The following ANLN variants were observed in gnomAD, a reference collection of about 807,000 sequenced individuals.
ANLN encodes the protein anillin.
Under a neutral mutation model 135.1 loss-of-function variants are expected in ANLN, and 59 were observed. That is an observed-to-expected ratio of 0.44 (90% CI 0.35 to 0.54). ANLN has a LOEUF of 0.54. Among genes scored for constraint, ANLN ranks in the 20% least tolerant of loss-of-function variants. ANLN has a pLI of 0.00. For synonymous variants in ANLN, 406 were observed against 456.4 expected (o/e 0.89, Z 1.41); for missense variants, 1,182 against 1,340.0 (o/e 0.88, Z 1.84).
Position 36,426,024 on chromosome 7 carries a change from A to G in ANLN, c.2758A>G (p.Ile920Val), listed in dbSNP as rs1290270454. 7.3e-6 allele frequency: 11 copies of G among 1,509,656 alleles called. No homozygotes were observed. The highest frequency in any genetic ancestry group is 9.7e-6 in the Non-Finnish European group (11 of 1,128,568). 93.5% of individuals were successfully genotyped at this position (1,509,656 alleles called of 1,614,324 possible). Reference sequence around the variant, plus strand: ...TTTTTTTTTTTTTTAGAAAAGCAACATTCATTCTTCAGGTGAGTGTATCTT... The same window carrying G: ...TTTTTTTTTTTTTTAGAAAAGCAACGTTCATTCTTCAGGTGAGTGTATCTT... The part of the protein sequence containing the change: ...LLTSITTKSN[I>V]HSSVMASPGG... Residue 920 changes from isoleucine (I) to valine (V), a missense_variant, in exon 19 of 24, where the codon ATT becomes GTT. Transcript: ENST00000265748.
chr7:36,433,385 A>G (rs144050703), intron 20 of ANLN, among the ~76,000 whole-genome samples: 57 of 152,258 alleles, frequency 3.7e-4, no homozygotes, highest in Middle Eastern at 3.4e-3. Flanking sequence ...TATCTTTTCA[A>G]TTCTTTAAAG....
chr7:36,409,566 C>T (rs1787325395), intron 5 of ANLN, among the ~76,000 whole-genome samples: 1 of 152,096 alleles, frequency 6.6e-6, no homozygotes, highest in Non-Finnish European at 1.5e-5. Flanking sequence ...ATAATACAAC[C>T]TTAGAATCCT....
chr7:36,452,516 C>G lies in ANLN; in HGVS notation c.3291C>G (p.Leu1097=), dbSNP rs765445429. The part of the protein sequence containing the change: ...LSADTKEERD[L]WMQKLNQVLV... ...CAGATACTAAAGAAGAGCGGGATCT[C>G]TGGATGCAAAAACTCAATCAAGTTC... is the stretch of plus-strand genomic sequence containing the variant. Residue 1097 remains leucine, a synonymous_variant, in exon 24 of 24, where the codon CTC becomes CTG. Transcript: ENST00000265748. 36 of 1,613,922 alleles carry G rather than the reference C, an allele frequency of 2.2e-5. No homozygotes were observed. In the East Asian group the frequency reaches 8.0e-4, roughly 36 times the overall value.
chr7:36,402,112 A>ATTT (rs572615037), intron 3 of ANLN, among the ~76,000 whole-genome samples: 4 of 89,724 alleles, frequency 4.5e-5, no homozygotes, highest in South Asian at 3.1e-4. Context: ...CAATAAAGCT[A>ATTT]TTTTTTTTTT....
intron 22 of ANLN, 36 bp from the exon 23 acceptor site, chr7:36,449,629 T>C (rs769774470): frequency 7.9e-5 from 121 of 1,541,074 alleles, no homozygotes; most frequent in Non-Finnish European, 9.9e-5. Context: ...TAAATAGTCT[T>C]ATTTTCTACT....
chr7:36,424,739 C>T lies in ANLN; in HGVS notation c.2706C>T (p.Ser902=), dbSNP rs1788012630. ...ATAAGAAGAAAAAAACATCCAAGTC[C>T]AAGGTGAGAATTAAAGAAACCCAGT... is the stretch of plus-strand genomic sequence containing the variant. ...GLDKKKKTSK[S]KAITPKRLLT... is the part of the protein sequence containing the mutation. Residue 902 remains serine, a synonymous_variant, in exon 17 of 24, where the codon TCC becomes TCT. Transcript: ENST00000265748. 1 of 1,611,172 alleles carries T rather than the reference C, an allele frequency of 6.2e-7. No homozygotes were observed. The highest frequency in any genetic ancestry group is 8.5e-7 in the Non-Finnish European group (1 of 1,178,838).
intron 2 of ANLN, among the ~76,000 whole-genome samples, chr7:36,397,187 G>T (rs79082503): frequency 6.6e-6 from 1 of 152,128 alleles, no homozygotes; most frequent in Non-Finnish European, 1.5e-5. Context: ...TGTACATGGG[G>T]CTAGCTCAGT....
chr7:36,433,532 C>T (rs1788411926), intron 20 of ANLN, among the ~76,000 whole-genome samples: 1 of 151,762 alleles, frequency 6.6e-6, no homozygotes, highest in Non-Finnish European at 1.5e-5. Context: ...TGTATTTATC[C>T]TGTTTGGTTT....
intron 1 of ANLN, among the ~76,000 whole-genome samples, chr7:36,390,877 C>T (rs1032796819): frequency 6.6e-6 from 1 of 152,188 alleles, no homozygotes; most frequent in Non-Finnish European, 1.5e-5. Flanking sequence ...TGTCCACTCT[C>T]TTTTATTCCA....
intron 3 of ANLN, among the ~76,000 whole-genome samples, chr7:36,405,079 A>G (rs1455371253): frequency 2.0e-5 from 3 of 152,196 alleles, no homozygotes; most frequent in Non-Finnish European, 4.4e-5. Flanking sequence ...TGCATATACA[A>G]TGGTAGTCTC....
chr7:36,451,069 A>G, intron 23 of ANLN, among the ~76,000 whole-genome samples: 1 of 152,216 alleles, frequency 6.6e-6, no homozygotes, highest in East Asian at 1.9e-4. Context: ...GTACATTCTC[A>G]ATTCAGTCTT....
Position 36,452,695 on chromosome 7 carries a change from A to G in ANLN, c.*95A>G, listed in dbSNP as rs1256721701. ...TTTACTGATTGCATTTTATGCTTTA[A>G]GTACGAAAGGGTTTGTGCCAATATT... is the stretch of plus-strand genomic sequence containing the variant. On this transcript the variant is annotated 3_prime_UTR_variant, in exon 24 of 24. Coordinates refer to ENST00000265748, the MANE Select transcript of ANLN (RefSeq NM_018685.5). The G allele has an allele frequency of 2.0e-6, 3 of 1,467,200 alleles. No homozygotes were observed. The highest frequency in any genetic ancestry group is 2.8e-6 in the Non-Finnish European group (3 of 1,071,786). 90.9% of individuals were successfully genotyped at this position (1,467,200 alleles called of 1,614,324 possible).
At position 36,453,253 on chromosome 7, in the gene ANLN, A is replaced by G. The variant is rs1187373052; in HGVS notation, c.*653A>G. ...GCACATGGTTTACATTTACTCAGCTACTATATATGCAGTGTGGTGCACATT... is the reference window on the plus strand; with the variant it reads ...GCACATGGTTTACATTTACTCAGCTGCTATATATGCAGTGTGGTGCACATT... On this transcript the variant is annotated 3_prime_UTR_variant, in exon 24 of 24. Coordinates refer to ENST00000265748, the MANE Select transcript of ANLN (RefSeq NM_018685.5). 6.6e-6 allele frequency: 1 copy of G among 152,248 alleles called. No homozygotes were observed. The highest frequency in any genetic ancestry group is 2.4e-5 in the African/African-American group (1 of 41,456). The allele number at this position is 152,248 out of a possible 1,614,324, so 9.4% of individuals were successfully genotyped here. A position where few individuals can be genotyped will look rare whatever the true frequency, so the allele number is the denominator to read the frequency against.
rs1786830220 is a variant in ANLN, at chr7:36,399,128, C to T, written c.222C>T (p.Asn74=). 2 of 1,613,962 alleles carry T rather than the reference C, an allele frequency of 1.2e-6. No homozygotes were observed. Among genetic ancestry groups the T allele is most frequent in the Non-Finnish European group, 1.7e-6 (2 of 1,180,018 alleles). Residue 74 remains asparagine (N), a synonymous_variant, in exon 3 of 24, where the codon AAC becomes AAT. Transcript: ENST00000265748. ...PSPSKKRCSD[N]TEVEVSNLEN... ...CATCAAAAAAACGCTGTTCTGACAA[C>T]ACTGAAGTAGAAGTTTCTAACTTGG... is the stretch of plus-strand genomic sequence containing the variant.
Position 36,417,504 on chromosome 7 carries a change from C to A in ANLN, c.1633+314C>A, listed in dbSNP as rs553636177. ...GTTTTCCTCTGTTTTCATACCACCA[C>A]AACAATCATCAACACAGAAGACTTT... On this transcript the variant is annotated intron_variant, in intron 9 of 23. Coordinates refer to ENST00000265748, the MANE Select transcript of ANLN (RefSeq NM_018685.5). Among the ~76,000 whole-genome samples the A allele has an allele frequency of 7.2e-5, 11 of 152,084 alleles. No individual in the cohort carries two copies. The East Asian group carries it at 2.1e-3, about 30-fold the overall frequency.
intron 7 of ANLN, among the ~76,000 whole-genome samples, chr7:36,411,527 T>C (rs553636431): frequency 5.3e-5 from 8 of 152,354 alleles, no homozygotes; most frequent in Admixed American, 1.3e-4. Context: ...CCAGATACCA[T>C]GTCTTTAGAC....
In ANLN at chr7:36,446,585, C is replaced by A. The variant is rs759255523; in HGVS notation, c.3078+2723C>A. Among the ~76,000 whole-genome samples the A allele has an allele frequency of 4.0e-4, 61 of 152,244 alleles. 1 individual carries two copies. The highest frequency in any genetic ancestry group is 6.8e-3 in the Middle Eastern group (2 of 294). Reference sequence around the variant, plus strand: ...AGGAGCGAGCGAGCGAGCAAGTGAGCAAGGGGAGGTGCCAAACATTTTTAA... The same window carrying A: ...AGGAGCGAGCGAGCGAGCAAGTGAGAAAGGGGAGGTGCCAAACATTTTTAA... On this transcript the variant is annotated intron_variant, in intron 22 of 23. Transcript: ENST00000265748.
chr7:36,416,681 G>T (rs1461983570), intron 8 of ANLN, among the ~76,000 whole-genome samples: 1 of 151,450 alleles, frequency 6.6e-6, no homozygotes, highest in African/African-American at 2.4e-5. Flanking sequence ...AAAACAAAAT[G>T]ATATGTAAAT....
At chr7:36,441,873 G>A (rs12535394) in intron 21 of ANLN, among the ~76,000 whole-genome samples, 75,651 of 152,010 alleles carry the variant, frequency 0.5, 19,163 homozygotes, top group East Asian at 0.64. Context: ...TTGAAATAAC[G>A]ACATTCCTTT....
Sources: gnomAD v4.1 joint callset for allele counts (sites outside exome capture counted in the v4.1 genomes callset) on GRCh38, gnomAD v4.1.1 for gene constraint, MANE v1.5 for transcripts, NCBI Gene and HGNC (gene_info 2026-07-23, HGNC 2026-07-21) for gene names.